UNC5D: variants seen among roughly 807,000 people sequenced by gnomAD.
UNC5D encodes the protein netrin receptor UNC5D.
Under a neutral mutation model 105.4 loss-of-function variants are expected in UNC5D, and 39 were observed. The observed-to-expected ratio is 0.37, with a 90% CI of 0.29 to 0.48. The LOEUF is 0.48. UNC5D is among the 20% of genes least tolerant of loss of function. The pLI, the probability that UNC5D is intolerant of heterozygous loss-of-function variation, is 0.98. For synonymous variants in UNC5D, 452 were observed against 450.4 expected (o/e 1.00, Z -0.04); for missense variants, 991 against 1,202.4 (o/e 0.82, Z 2.60).
chr8:35,759,956 T>C (rs11996057), intron 14 of UNC5D, among the ~76,000 whole-genome samples: 11,396 of 152,134 alleles, frequency 0.075, 1,165 homozygotes, highest in African/African-American at 0.23. Flanking sequence ...ATATGAAGTG[T>C]ACTTGCTTCC....
chr8:35,674,613 A>G (rs1291497986), intron 4 of UNC5D, among the ~76,000 whole-genome samples: 1 of 152,220 alleles, frequency 6.6e-6, no homozygotes, highest in Non-Finnish European at 1.5e-5. Context: ...CTGGGAAATA[A>G]TCCATTTGAT....
At chr8:35,294,462 T>G (rs979741750) in intron 1 of UNC5D, among the ~76,000 whole-genome samples, 2 of 152,186 alleles carry the variant, frequency 1.3e-5, no homozygotes, top group African/African-American at 4.8e-5. Flanking sequence ...CTTTCTAAAA[T>G]TATCAAACCA....
chr8:35,581,516 A>C (rs1818467247), intron 3 of UNC5D, among the ~76,000 whole-genome samples: 1 of 152,186 alleles, frequency 6.6e-6, no homozygotes, highest in Non-Finnish European at 1.5e-5. Context: ...AATGTAGTTA[A>C]AGAATGAATA....
At chr8:35,686,484 TGA>T in intron 6 of UNC5D, 59 bp from the exon 7 acceptor site, 1 of 1,482,484 alleles carries the variant, frequency 6.7e-7, no homozygotes, top group Non-Finnish European at 8.9e-7. Flanking sequence ...AGTCCTGGGG[TGA>T]GTCTCCTGAC....
At chr8:35,740,808 C>T (rs920425313) in intron 11 of UNC5D, among the ~76,000 whole-genome samples, 13 of 152,066 alleles carry the variant, frequency 8.5e-5, no homozygotes, top group African/African-American at 2.2e-4. Flanking sequence ...GTTGGGTTAC[C>T]GACCCCATGC....
rs57689002 is a variant in UNC5D at position 35,716,931 on chromosome 8, T to C, written c.1118-5279T>C. On this transcript the variant is annotated intron_variant, in intron 8 of 16. Coordinates refer to ENST00000404895, the MANE Select transcript of UNC5D (RefSeq NM_080872.4). ...CATATTTCAGCATGCAATTAAATAT[T>C]TTGGCAGGGCACTTTGTATCAACAC... Among the ~76,000 whole-genome samples the C allele has an allele frequency of 2.0e-4, 31 of 152,328 alleles. No homozygotes were observed. In the East Asian group the frequency reaches 5.4e-3, roughly 27 times the overall value.
chr8:35,394,950 G>A (rs1217232423), intron 1 of UNC5D, among the ~76,000 whole-genome samples: 1 of 152,166 alleles, frequency 6.6e-6, no homozygotes, highest in Non-Finnish European at 1.5e-5. Context: ...CCCAGTGCTT[G>A]ACACCTAATA....
At chr8:35,484,526 A>AGAAGGTAAATAG (rs1400543429) in intron 1 of UNC5D, among the ~76,000 whole-genome samples, 2 of 152,142 alleles carry the variant, frequency 1.3e-5, no homozygotes, top group African/African-American at 2.4e-5. Context: ...TGATCTTCTT[A>AGAAGGTAAATAG]GAAGGTAAAT....
At chr8:35,520,914 T>C (rs1244099285) in intron 1 of UNC5D, among the ~76,000 whole-genome samples, 1 of 152,136 alleles carries the variant, frequency 6.6e-6, no homozygotes, top group Non-Finnish European at 1.5e-5. Flanking sequence ...TTACTAAAAG[T>C]TTTGTTTGTA....
At chr8:35,382,934 C>G (rs539371328) in intron 1 of UNC5D, among the ~76,000 whole-genome samples, 1 of 152,270 alleles carries the variant, frequency 6.6e-6, no homozygotes, top group South Asian at 2.1e-4. Flanking sequence ...TCACGCAAGT[C>G]CCAGGAATTC....
chr8:35,713,556 T>C (rs1294474680), intron 8 of UNC5D, among the ~76,000 whole-genome samples: 1 of 152,190 alleles, frequency 6.6e-6, no homozygotes, highest in Non-Finnish European at 1.5e-5. Context: ...GCATGGGAAA[T>C]ACTTGTGCTA....
At chr8:35,311,986 T>C (rs1808924145) in intron 1 of UNC5D, among the ~76,000 whole-genome samples, 1 of 152,186 alleles carries the variant, frequency 6.6e-6, no homozygotes, top group South Asian at 2.1e-4. Flanking sequence ...CCACTGTTTT[T>C]AAAAATTCCC....
intron 15 of UNC5D, among the ~76,000 whole-genome samples, chr8:35,767,621 A>C (rs1801830441): frequency 6.6e-6 from 1 of 152,178 alleles, no homozygotes. Flanking sequence ...CAATAATATA[A>C]GGAGGACAGG....
intron 1 of UNC5D, among the ~76,000 whole-genome samples, chr8:35,449,626 C>T (rs1288035571): frequency 1.3e-5 from 2 of 152,112 alleles, no homozygotes; most frequent in African/African-American, 2.4e-5. Flanking sequence ...TGGAATTTCA[C>T]TTATGTAACT....
intron 1 of UNC5D, among the ~76,000 whole-genome samples, chr8:35,449,014 T>C (rs1282588981): frequency 6.6e-6 from 1 of 152,152 alleles, no homozygotes; most frequent in African/African-American, 2.4e-5. Context: ...TGCTTATTGT[T>C]TTGGCAGAGT....
chr8:35,626,907 T>G (rs1821729103), intron 4 of UNC5D, among the ~76,000 whole-genome samples: 1 of 152,158 alleles, frequency 6.6e-6, no homozygotes, highest in South Asian at 2.1e-4. Flanking sequence ...ATCTGTAGAC[T>G]GGCTCATGTT....
intron 1 of UNC5D, among the ~76,000 whole-genome samples, chr8:35,331,470 G>A (rs1015566717): frequency 6.6e-6 from 1 of 152,104 alleles, no homozygotes; most frequent in African/African-American, 2.4e-5. Context: ...AACCAAAGGA[G>A]GAGGCCAGAG....
intron 1 of UNC5D, among the ~76,000 whole-genome samples, chr8:35,338,452 T>A (rs559088995): frequency 6.6e-6 from 1 of 152,168 alleles, no homozygotes; most frequent in African/African-American, 2.4e-5. Context: ...TTTGCCATAA[T>A]GCTTGATTCA....
intron 1 of UNC5D, among the ~76,000 whole-genome samples, chr8:35,294,683 A>C (rs1807331781): frequency 7.4e-6 from 1 of 134,784 alleles, no homozygotes; most frequent in East Asian, 2.4e-4. Context: ...TGACCTCACA[A>C]ATTTTCTTTT....
Sources: allele counts gnomAD v4.1 joint callset (sites outside exome capture counted in the v4.1 genomes callset), GRCh38; gene constraint gnomAD v4.1.1; transcripts MANE v1.5; gene names NCBI Gene and HGNC (gene_info 2026-07-23, HGNC 2026-07-21).